ZNF701: variants seen among roughly 807,000 people sequenced by gnomAD.
ZNF701 encodes zinc finger protein 701.
Under a neutral mutation model 7.1 loss-of-function variants are expected in ZNF701, and 6 were observed. The observed-to-expected ratio is 0.84, with a 90% CI of 0.46 to 1.66. The LOEUF (loss-of-function observed/expected upper bound fraction) is 1.66. ZNF701 is among the 40% of genes most tolerant of loss of function. The probability of loss-of-function intolerance (pLI) is 0.01; values close to 1 mark genes in which losing one functional copy is unlikely to be tolerated. For missense variants in ZNF701, 541 were observed against 559.2 expected, an observed-to-expected ratio of 0.97 and a Z score of 0.33; for synonymous variants, 166 against 188.2, an observed-to-expected ratio of 0.88 and a Z score of 0.97.
Position 52,577,812 on chromosome 19 carries a change from C to T in ZNF701, c.142+1791C>T, listed in dbSNP as rs577112750. Among the ~76,000 whole-genome samples the T allele has an allele frequency of 5.3e-5, 8 of 152,168 alleles. No homozygotes were observed. In the East Asian group the frequency reaches 7.8e-4, roughly 15 times the overall value. ...GTATCCAGGCCTGCCCGCAGTCATC[C>T]GGAGGCCTAAACCCCTCCCTGTGGT... On this transcript the variant is annotated intron_variant, in intron 3 of 3. Transcript: ENST00000391785.
Position 52,583,358 on chromosome 19 carries a change from T to A in ZNF701, c.1299T>A (p.Thr433=). The A allele has an allele frequency of 6.2e-7, 1 of 1,607,986 alleles. No homozygotes were observed. Among genetic ancestry groups the A allele is most frequent in the Non-Finnish European group, 8.5e-7 (1 of 1,174,808 alleles). The change falls in exon 4 of 4, where the codon ACT becomes ACA. Residue 433 remains threonine, a synonymous_variant. Transcript: ENST00000391785. The part of the protein sequence containing the change: ...SNLACHRRLH[T]GEKPYKCNEC... ...TTGCATGTCATCGTAGACTTCATAC[T>A]GGAGAGAAACCTTACAAGTGTAATG...
chr19:52,571,898 A>G (rs1019748284), intron 1 of ZNF701, among the ~76,000 whole-genome samples: 2 of 151,588 alleles, frequency 1.3e-5, no homozygotes, highest in African/African-American at 4.9e-5. Flanking sequence ...ATCTCGGCTC[A>G]CTGCAACCTC....
intron 3 of ZNF701, among the ~76,000 whole-genome samples, chr19:52,581,891 A>C (rs1315908336): frequency 2.0e-5 from 3 of 152,148 alleles, no homozygotes; most frequent in Non-Finnish European, 2.9e-5. Flanking sequence ...TGACAGTGAT[A>C]CGTCTTTTGC....
rs2059992243 is a variant in ZNF701 at position 52,583,779 on chromosome 19, G to A, written c.*322G>A. 1.7e-5 allele frequency: 11 copies of A among 639,868 alleles called. 1 individual carries two copies. In the South Asian group the frequency reaches 1.9e-4, roughly 11 times the overall value. 39.6% of individuals were successfully genotyped at this position (639,868 alleles called of 1,614,324 possible). ...TCACCATCAAGCAATCCATGGTATA[G>A]GGAAACTTGACTAATGTAATGATTG... On this transcript the variant is annotated 3_prime_UTR_variant, in exon 4 of 4. Transcript: ENST00000391785.
At chr19:52,572,758 A>T in intron 1 of ZNF701, 1 of 377,436 alleles carries the variant, frequency 2.6e-6, no homozygotes, top group South Asian at 2.1e-5. Flanking sequence ...GTCACTCCAC[A>T]GCCCTGTGTC....
At chr19:52,597,253 C>T in the ZNF701 span, 1 of 548,732 alleles carries the variant, frequency 1.8e-6, no homozygotes, top group South Asian at 1.4e-5. Flanking sequence ...GGAGAGAAAC[C>T]TCACAAGTGT....
intron 3 of ZNF701, among the ~76,000 whole-genome samples, chr19:52,580,227 G>A (rs902607049): frequency 6.6e-6 from 1 of 151,580 alleles, no homozygotes; most frequent in Non-Finnish European, 1.5e-5. Flanking sequence ...ACAGGCGTGA[G>A]CCACCGCGCC....
chr19:52,588,590 G>C (rs368563118), downstream of ZNF701: 12 of 401,698 alleles, frequency 3.0e-5, no homozygotes, highest in East Asian at 5.8e-4. Flanking sequence ...CAAAGAAAAG[G>C]AGCCAGGGAC....
At position 52,584,218 on chromosome 19, in the gene ZNF701, G is replaced by T. The variant is rs537112928; in HGVS notation, c.*761G>T. The T allele has an allele frequency of 2.7e-5, 7 of 257,446 alleles. No individual in the cohort carries two copies. Among genetic ancestry groups the T allele is most frequent in the African/African-American group, 1.6e-4 (7 of 44,386 alleles). 15.9% of individuals were successfully genotyped at this position (257,446 alleles called of 1,614,324 possible). On this transcript the variant is annotated 3_prime_UTR_variant, in exon 4 of 4. Transcript: ENST00000391785. Reference sequence around the variant, plus strand: ...TTGAGGTAATAGTTACAAATGCGGTGAGCACAGCAAACCATCAAGGATTGA... The same window carrying T: ...TTGAGGTAATAGTTACAAATGCGGTTAGCACAGCAAACCATCAAGGATTGA...
At chr19:52,579,758 C>T (rs1403761561) in intron 3 of ZNF701, among the ~76,000 whole-genome samples, 2 of 138,516 alleles carry the variant, frequency 1.4e-5, no homozygotes, top group Non-Finnish European at 1.5e-5. Flanking sequence ...GCAGTAATCC[C>T]AGCTACTCAG....
rs191057450 is a variant in ZNF701 at position 52,578,208 on chromosome 19, C to T, written c.142+2187C>T. The stretch of plus-strand genomic sequence containing the variant: ...GGCAGAGCTTGCAGTGAGCCGAGAT[C>T]GCACCACTGCACTCCAGCCTGGGCG... On this transcript the variant is annotated intron_variant, in intron 3 of 3. Coordinates refer to ENST00000391785, the MANE Select transcript of ZNF701 (RefSeq NM_018260.3). Among the ~76,000 whole-genome samples, 1,029 of 140,908 alleles carry T rather than the reference C, an allele frequency of 7.3e-3. 13 individuals are homozygous for T. The highest frequency in any genetic ancestry group is 0.026 in the African/African-American group (955 of 36,946). 92.4% of individuals were successfully genotyped at this position (140,908 alleles called of 152,430 possible). A position where few individuals can be genotyped will look rare whatever the true frequency, so the allele number is the denominator to read the frequency against.
At chr19:52,594,593 A>G in the ZNF701 span, among the ~76,000 whole-genome samples, 1 of 151,492 alleles carries the variant, frequency 6.6e-6, no homozygotes, top group Non-Finnish European at 1.5e-5. Context: ...GGCTCACTGC[A>G]ACCCCCACCT....
chr19:52,597,491 G>C, the ZNF701 span: 1 of 388,748 alleles, frequency 2.6e-6, no homozygotes, highest in Non-Finnish European at 5.1e-6. Context: ...GCATTGACTT[G>C]AGATTGAGTT....
chr19:52,571,799 G>A (rs1483559591), intron 1 of ZNF701, among the ~76,000 whole-genome samples: 3 of 151,722 alleles, frequency 2.0e-5, no homozygotes, highest in Non-Finnish European at 2.9e-5. Context: ...GAGTGCAATG[G>A]TGTGATCTTG....
the ZNF701 span, among the ~76,000 whole-genome samples, chr19:52,599,405 T>G: frequency 7.1e-4 from 108 of 152,268 alleles, no homozygotes; most frequent in African/African-American, 2.4e-3. Flanking sequence ...AGGAATGTGG[T>G]CAGGCAACCT....
Position 52,583,953 on chromosome 19 carries a change from C to G in ZNF701, c.*496C>G. 2.5e-6 allele frequency: 1 copy of G among 403,884 alleles called. No individual in the cohort carries two copies. The highest frequency in any genetic ancestry group is 6.9e-5 in the East Asian group (1 of 14,584). The allele number at this position is 403,884 out of a possible 1,614,324, so 25.0% of individuals were successfully genotyped here. ...TGGCGATCTTATACAGGAGAGAAAT[C>G]TTACAAATGTGATGATTGTGGCAAG... On this transcript the variant is annotated 3_prime_UTR_variant, in exon 4 of 4. Transcript: ENST00000391785.
Position 52,583,761 on chromosome 19 carries a change from C to A in ZNF701, c.*304C>A. On this transcript the variant is annotated 3_prime_UTR_variant, in exon 4 of 4. Transcript: ENST00000391785. The stretch of plus-strand genomic sequence containing the variant: ...TGGTCAGTCAACACTTACTCACCAT[C>A]AAGCAATCCATGGTATAGGGAAACT... The A allele has an allele frequency of 1.5e-6, 1 of 675,512 alleles. No homozygotes were observed. Among genetic ancestry groups the A allele is most frequent in the Non-Finnish European group, 2.7e-6 (1 of 368,334 alleles). 41.8% of individuals were successfully genotyped at this position (675,512 alleles called of 1,614,324 possible). A position where few individuals can be genotyped will look rare whatever the true frequency, so the allele number is the denominator to read the frequency against.
At chr19:52,576,539 C>CA (rs2059935579) in intron 3 of ZNF701, among the ~76,000 whole-genome samples, 3 of 151,762 alleles carry the variant, frequency 2.0e-5, no homozygotes, top group Non-Finnish European at 2.9e-5. Context: ...GACTCTCTCT[C>CA]AAAAAACAAA....
the ZNF701 span, chr19:52,596,433 A>AT: frequency 0.46 from 194,700 of 423,952 alleles, 45,232 homozygotes; most frequent in Middle Eastern, 0.54. Context: ...AGGAGAATTC[A>AT]TACTGGAGAA....
Sources: allele counts gnomAD v4.1 joint callset (sites outside exome capture counted in the v4.1 genomes callset), GRCh38; gene constraint gnomAD v4.1.1; transcripts MANE v1.5; gene names NCBI Gene and HGNC (gene_info 2026-07-23, HGNC 2026-07-21).